Variants in TENM2 observed in about 807,000 individuals in gnomAD.
TENM2 encodes teneurin-2.
TENM2 carries 52 observed loss-of-function variants against 245.2 expected under a neutral mutation model. The observed-to-expected ratio is 0.21, with a 90% CI of 0.17 to 0.27. The LOEUF is 0.27. Among genes scored for constraint, TENM2 ranks in the 10% least tolerant of loss-of-function variants. TENM2 has a pLI of 1.00. For synonymous variants in TENM2, 1,363 were observed against 1,438.9 expected, an observed-to-expected ratio of 0.95 and a Z score of 1.19; for missense variants, 3,046 against 3,666.8, an observed-to-expected ratio of 0.83 and a Z score of 4.37.
At chr5:167,540,196 A>C (rs1000613114) in intron 2 of TENM2, among the ~76,000 whole-genome samples, 1 of 152,216 alleles carries the variant, frequency 6.6e-6, no homozygotes, top group African/African-American at 2.4e-5. Context: ...TATTCAGTCA[A>C]ATCTCCAAGT....
intron 7 of TENM2, among the ~76,000 whole-genome samples, chr5:168,070,793 A>G (rs1016015417): frequency 1.2e-4 from 11 of 89,412 alleles, no homozygotes; most frequent in East Asian, 8.1e-4. Context: ...GAAAGAAAGA[A>G]AGAGAGAGAG....
At chr5:168,002,194 T>C (rs933085933) in intron 5 of TENM2, among the ~76,000 whole-genome samples, 1 of 152,222 alleles carries the variant, frequency 6.6e-6, no homozygotes, top group African/African-American at 2.4e-5. Flanking sequence ...ATCATGACTT[T>C]CTTTGCAGTT....
intron 13 of TENM2, among the ~76,000 whole-genome samples, chr5:168,183,185 T>C (rs1022477164): frequency 1.3e-5 from 2 of 152,234 alleles, no homozygotes; most frequent in Non-Finnish European, 2.9e-5. Context: ...GCATGTAGGG[T>C]CAATAAGATG....
At chr5:167,084,134 T>C in the TENM2 span, among the ~76,000 whole-genome samples, 1 of 151,182 alleles carries the variant, frequency 6.6e-6, no homozygotes, top group Non-Finnish European at 1.5e-5. Context: ...TTTTTTGTTA[T>C]AGATAGTTTG....
intron 2 of TENM2, among the ~76,000 whole-genome samples, chr5:167,783,810 TC>T (rs935762549): frequency 1.3e-5 from 2 of 151,912 alleles, no homozygotes; most frequent in Admixed American, 6.6e-5. Flanking sequence ...AGCCCTGGGC[TC>T]CCTCCCAGGG....
Position 167,339,873 on chromosome 5 carries a change from A to G in TENM2, c.227-35325A>G, listed in dbSNP as rs1260673638. On this transcript the variant is annotated intron_variant, in intron 1 of 28. Transcript: ENST00000518659. ...TTCCCTCTGGAATAACCATCTTGGG[A>G]GCAGAAGCAGCTCTCGTTACACGCT... Among the ~76,000 whole-genome samples the G allele has an allele frequency of 3.3e-5, 5 of 152,108 alleles. 1 individual carries two copies. The highest frequency in any genetic ancestry group is 3.3e-4 in the Admixed American group (5 of 15,280).
chr5:167,258,663 C>A, the TENM2 span, among the ~76,000 whole-genome samples: 1 of 152,008 alleles, frequency 6.6e-6, no homozygotes, highest in African/African-American at 2.4e-5. Flanking sequence ...TCATGAAAAC[C>A]TGGGCCACTT....
At chr5:167,320,954 A>AC (rs1436619192) in intron 1 of TENM2, among the ~76,000 whole-genome samples, 15 of 151,674 alleles carry the variant, frequency 9.9e-5, no homozygotes, top group African/African-American at 3.6e-4. Flanking sequence ...AACAAAAAAA[A>AC]ACACTAAAAT....
chr5:167,923,182 G>A (rs192591193), intron 3 of TENM2, among the ~76,000 whole-genome samples: 57 of 152,256 alleles, frequency 3.7e-4, no homozygotes, highest in Non-Finnish European at 6.8e-4. Flanking sequence ...AAAATTAACT[G>A]GGAGTGGTGG....
At chr5:167,704,686 G>T (rs1027895315) in intron 2 of TENM2, among the ~76,000 whole-genome samples, 4 of 152,220 alleles carry the variant, frequency 2.6e-5, no homozygotes, top group African/African-American at 9.6e-5. Context: ...ACTTTGAGTT[G>T]CAGTAACCTT....
intron 2 of TENM2, among the ~76,000 whole-genome samples, chr5:167,445,994 C>T (rs1370455325): frequency 1.3e-5 from 2 of 152,010 alleles, no homozygotes; most frequent in Non-Finnish European, 2.9e-5. Context: ...TTTAATCTCC[C>T]CTAGGGTTTG....
intron 6 of TENM2, among the ~76,000 whole-genome samples, chr5:168,048,192 A>C (rs1311073403): frequency 6.7e-6 from 1 of 148,592 alleles, no homozygotes; most frequent in South Asian, 2.3e-4. Flanking sequence ...AGGTGCTAAC[A>C]AGGTGCTAAG....
At chr5:167,308,741 G>C (rs993946097) in intron 1 of TENM2, among the ~76,000 whole-genome samples, 1 of 152,096 alleles carries the variant, frequency 6.6e-6, no homozygotes, top group Admixed American at 6.5e-5. Flanking sequence ...ATATGCTGTC[G>C]GGCTCTGCTC....
At position 167,337,173 on chromosome 5, in the gene TENM2, C is replaced by T. The variant is rs1757827334; in HGVS notation, c.227-38025C>T. Among the ~76,000 whole-genome samples, 3 of 143,862 alleles carry T rather than the reference C, an allele frequency of 2.1e-5. No homozygotes were observed. The South Asian group carries it at 6.9e-4, about 33-fold the overall frequency. The allele number at this position is 143,862 out of a possible 152,430, so 94.4% of individuals were successfully genotyped here. A position where few individuals can be genotyped will look rare whatever the true frequency, so the allele number is the denominator to read the frequency against. On this transcript the variant is annotated intron_variant, in intron 1 of 28. Transcript: ENST00000518659. Reference sequence around the variant, plus strand: ...AAAAAATCAAAAATCTGAAACTCTTCTGGTCCTGAGCTTTTCAGATAAGGG... The same window carrying T: ...AAAAAATCAAAAATCTGAAACTCTTTTGGTCCTGAGCTTTTCAGATAAGGG...
At chr5:168,019,662 A>G (rs748347184) in intron 5 of TENM2, among the ~76,000 whole-genome samples, 6 of 152,236 alleles carry the variant, frequency 3.9e-5, no homozygotes, top group Non-Finnish European at 7.3e-5. Flanking sequence ...ATAATGTACA[A>G]TGAATAATCA....
intron 2 of TENM2, among the ~76,000 whole-genome samples, chr5:167,768,685 A>G (rs35323785): frequency 2.6e-5 from 4 of 152,204 alleles, no homozygotes; most frequent in Non-Finnish European, 5.9e-5. Context: ...GGGATTATTT[A>G]CTTAAGTTCC....
intron 2 of TENM2, among the ~76,000 whole-genome samples, chr5:167,867,873 A>G (rs928136722): frequency 1.3e-5 from 2 of 152,204 alleles, no homozygotes; most frequent in African/African-American, 4.8e-5. Context: ...AGTGACAATT[A>G]GACTTGCTTT....
At chr5:167,969,595 C>T (rs1039583616) in intron 4 of TENM2, among the ~76,000 whole-genome samples, 1 of 152,140 alleles carries the variant, frequency 6.6e-6, no homozygotes, top group Admixed American at 6.5e-5. Flanking sequence ...GAGAGAAGAT[C>T]CTGACAGAAC....
intron 3 of TENM2, among the ~76,000 whole-genome samples, chr5:167,941,351 AAG>A (rs1332158511): frequency 1.3e-5 from 2 of 152,190 alleles, no homozygotes; most frequent in Non-Finnish European, 2.9e-5. Flanking sequence ...AAGCTGCTAT[AAG>A]GCACTTCACA....
Sources: gnomAD v4.1 joint callset for allele counts (sites outside exome capture counted in the v4.1 genomes callset) on GRCh38, gnomAD v4.1.1 for gene constraint, MANE v1.5 for transcripts, NCBI Gene and HGNC (gene_info 2026-07-23, HGNC 2026-07-21) for gene names.